Variants in SGCZ observed in about 807,000 individuals in gnomAD.
The protein encoded by SGCZ is sarcoglycan zeta, also known as zeta-sarcoglycan.
Under a neutral mutation model 41.3 loss-of-function variants are expected in SGCZ, and 40 were observed. The observed-to-expected ratio is 0.97, with a 90% confidence interval of 0.75 to 1.26. The LOEUF is 1.26. Among genes scored for constraint, SGCZ ranks in the 50% most tolerant of loss-of-function variants. The probability of loss-of-function intolerance (pLI) is 0.00; values close to 1 mark genes in which losing one functional copy is unlikely to be tolerated. For synonymous variants in SGCZ, 206 were observed against 137.5 expected (o/e 1.50, Z -3.49); for missense variants, 552 against 369.8 (o/e 1.49, Z -4.04).
At chr8:14,495,175 TTCC>T (rs1801954628) in intron 2 of SGCZ, among the ~76,000 whole-genome samples, 1 of 152,108 alleles carries the variant, frequency 6.6e-6, no homozygotes, top group Non-Finnish European at 1.5e-5. Context: ...GGAATAAGAG[TTCC>T]TGCTTTATGG....
chr8:14,403,629 C>T (rs1258096094), intron 2 of SGCZ, among the ~76,000 whole-genome samples: 1 of 151,970 alleles, frequency 6.6e-6, no homozygotes, highest in Non-Finnish European at 1.5e-5. Context: ...TTGCATCAAT[C>T]ACAATTTATT....
chr8:14,239,004 C>T lies in SGCZ; in HGVS notation c.337-1325G>A, dbSNP rs148238601. Among the ~76,000 whole-genome samples the T allele has an allele frequency of 2.2e-3, 331 of 150,022 alleles. 1 individual carries two copies. The highest frequency in any genetic ancestry group is 7.0e-3 in the African/African-American group (284 of 40,744). On this transcript the variant is annotated intron_variant, in intron 3 of 7. Coordinates refer to ENST00000382080, the MANE Select transcript of SGCZ (RefSeq NM_139167.4). ...AAAAATTCATATAAAATTTTTATTT[C>T]GACAGATTTAAAAGAAAAAAAAGTC...
chr8:14,876,144 G>A (rs1034743880), intron 1 of SGCZ, among the ~76,000 whole-genome samples: 2 of 152,080 alleles, frequency 1.3e-5, no homozygotes, highest in Admixed American at 6.6e-5. Context: ...ACTGCCTAGG[G>A]ATCTCTTAAA....
chr8:14,265,744 T>A (rs1360351353), intron 3 of SGCZ, among the ~76,000 whole-genome samples: 1 of 150,950 alleles, frequency 6.6e-6, no homozygotes, highest in African/African-American at 2.4e-5. Context: ...CAGCAATTTA[T>A]TTAAAAAGAA....
At chr8:14,666,227 A>T (rs975174626) in intron 1 of SGCZ, among the ~76,000 whole-genome samples, 4 of 152,194 alleles carry the variant, frequency 2.6e-5, no homozygotes, top group African/African-American at 9.6e-5. Context: ...AAATGTTTGT[A>T]GGGCATAAAA....
At chr8:14,833,346 C>T (rs761889494) in intron 1 of SGCZ, among the ~76,000 whole-genome samples, 1 of 152,110 alleles carries the variant, frequency 6.6e-6, no homozygotes, top group Admixed American at 6.6e-5. Context: ...TCTAAGCGCA[C>T]TGAAATTCAC....
intron 1 of SGCZ, among the ~76,000 whole-genome samples, chr8:14,945,650 G>C (rs188814466): frequency 1.3e-5 from 2 of 150,624 alleles, no homozygotes; most frequent in Admixed American, 1.3e-4. Context: ...GCCAGACTGA[G>C]GGGGGAGATC....
intron 2 of SGCZ, among the ~76,000 whole-genome samples, chr8:14,327,006 G>GT (rs1361983041): frequency 6.6e-6 from 1 of 152,086 alleles, no homozygotes; most frequent in Non-Finnish European, 1.5e-5. Context: ...AAAAATAGAT[G>GT]TTTTCAAATG....
intron 2 of SGCZ, among the ~76,000 whole-genome samples, chr8:14,444,189 T>G (rs916891213): frequency 1.1e-4 from 17 of 152,046 alleles, no homozygotes; most frequent in Non-Finnish European, 1.9e-4. Flanking sequence ...TGTGGAGAAA[T>G]AGGAACACTT....
At chr8:14,397,539 C>A (rs1237074221) in intron 2 of SGCZ, among the ~76,000 whole-genome samples, 4 of 152,058 alleles carry the variant, frequency 2.6e-5, no homozygotes, top group African/African-American at 9.7e-5. Context: ...TTCCACTGTA[C>A]ACAAAAGCCA....
chr8:14,662,333 A>G (rs1337452448), intron 1 of SGCZ, among the ~76,000 whole-genome samples: 1 of 152,234 alleles, frequency 6.6e-6, no homozygotes, highest in African/African-American at 2.4e-5. Flanking sequence ...CAAGAAAGTT[A>G]AATTACCTGA....
chr8:14,511,117 G>T (rs545218324), intron 2 of SGCZ, among the ~76,000 whole-genome samples: 2 of 150,934 alleles, frequency 1.3e-5, no homozygotes, highest in African/African-American at 4.8e-5. Flanking sequence ...GTGCTGTCAA[G>T]TACCCTTACT....
intron 2 of SGCZ, among the ~76,000 whole-genome samples, chr8:14,351,779 G>A (rs1585395896): frequency 6.6e-6 from 1 of 152,100 alleles, no homozygotes; most frequent in South Asian, 2.1e-4. Context: ...TTGTTCAAAT[G>A]TCTTAACTAT....
intron 5 of SGCZ, among the ~76,000 whole-genome samples, chr8:14,162,053 C>T (rs984973567): frequency 1.3e-5 from 2 of 152,052 alleles, no homozygotes; most frequent in African/African-American, 4.8e-5. Context: ...CACTTTCTTG[C>T]CAATTTGGGC....
intron 2 of SGCZ, among the ~76,000 whole-genome samples, chr8:14,504,269 T>C (rs191710158): frequency 1.1e-4 from 16 of 152,334 alleles, no homozygotes; most frequent in African/African-American, 3.8e-4. Flanking sequence ...TAAAAGATTT[T>C]AAATCTCTGA....
chr8:15,007,627 G>A (rs1802653587), intron 1 of SGCZ, among the ~76,000 whole-genome samples: 1 of 152,160 alleles, frequency 6.6e-6, no homozygotes, highest in East Asian at 1.9e-4. Context: ...CTTGAAATTA[G>A]CTGTAATTCT....
chr8:14,817,234 T>A (rs1283918457), intron 1 of SGCZ, among the ~76,000 whole-genome samples: 2 of 152,162 alleles, frequency 1.3e-5, no homozygotes, highest in East Asian at 3.9e-4. Flanking sequence ...GGCACCTGCC[T>A]CTGCCACATA....
Position 14,087,878 on chromosome 8 carries a change from T to C in SGCZ, c.*2565A>G, listed in dbSNP as rs1483218151. On this transcript the variant is annotated 3_prime_UTR_variant, in exon 8 of 8. Coordinates refer to ENST00000382080, the MANE Select transcript of SGCZ (RefSeq NM_139167.4). ...CAGATAACTTAAAGCAATTATTTGG[T>C]GTTGAATAGGAAAGCCATCGCTATC... Among the ~76,000 whole-genome samples the C allele has an allele frequency of 6.6e-6, 1 of 151,666 alleles. No individual in the cohort carries two copies. Among genetic ancestry groups the C allele is most frequent in the Non-Finnish European group, 1.5e-5 (1 of 67,770 alleles).
At chr8:14,416,098 G>A (rs1408327380) in intron 2 of SGCZ, among the ~76,000 whole-genome samples, 6 of 151,946 alleles carry the variant, frequency 3.9e-5, no homozygotes, top group African/African-American at 1.4e-4. Flanking sequence ...TGTCTAGAGA[G>A]TAAAAATAAG....
Sources: allele counts gnomAD v4.1 joint callset (sites outside exome capture counted in the v4.1 genomes callset), GRCh38; gene constraint gnomAD v4.1.1; transcripts MANE v1.5; gene names NCBI Gene and HGNC (gene_info 2026-07-23, HGNC 2026-07-21).